Variants in NPS observed in about 807,000 individuals in gnomAD.
NPS encodes neuropeptide S.
In NPS, 6 loss-of-function variants were observed where a neutral mutation model predicts 7.2. The ratio of observed to expected loss-of-function variants is 0.83; its 90% CI spans 0.46 to 1.64. The LOEUF (loss-of-function observed/expected upper bound fraction) is 1.64. Among genes scored for constraint, NPS ranks in the 40% most tolerant of loss-of-function variants. The pLI is 0.01. For synonymous variants in NPS, 42 were observed against 36.7 expected (o/e 1.14, Z -0.52); for missense variants, 123 against 97.8 (o/e 1.26, Z -1.09).
rs776345598 is a variant in NPS at position 127,552,621 on chromosome 10, T to C, written c.252T>C (p.Phe84=). Residue 84 remains phenylalanine (F), a synonymous_variant, in exon 3 of 3, where the codon TTT becomes TTC. Coordinates refer to ENST00000398023, the MANE Select transcript of NPS (RefSeq NM_001030013.2). ...GVGTGMKKTS[F]QRAKS is the part of the protein sequence containing the mutation. ...GCACAGGGATGAAAAAAACTTCCTTTCAAAGAGCAAAATCATGACTAAGTG... is the reference window on the plus strand; with the variant it reads ...GCACAGGGATGAAAAAAACTTCCTTCCAAAGAGCAAAATCATGACTAAGTG... 6.2e-7 allele frequency: 1 copy of C among 1,612,602 alleles called. No homozygotes were observed. Among genetic ancestry groups the C allele is most frequent in the Non-Finnish European group, 8.5e-7 (1 of 1,178,726 alleles).
rs770654076 is a variant in NPS at position 127,549,344 on chromosome 10, C to G, written c.-25C>G. ...GAAATTTGGCAATAAAACCACCTAT[C>G]TTTACAGATTTTGGGAAGTCCAAAA... is the stretch of plus-strand genomic sequence containing the variant. On this transcript the variant is annotated 5_prime_UTR_variant, in exon 1 of 3. The change creates a new upstream start codon in the 5' untranslated region. Coordinates refer to ENST00000398023, the MANE Select transcript of NPS (RefSeq NM_001030013.2). 1.2e-6 allele frequency: 2 copies of G among 1,600,132 alleles called. No individual in the cohort carries two copies. The highest frequency in any genetic ancestry group is 2.2e-5 in the South Asian group (2 of 90,618).
chr10:127,551,801 T>C (rs1230720759), intron 2 of NPS, among the ~76,000 whole-genome samples: 1 of 152,200 alleles, frequency 6.6e-6, no homozygotes, highest in Admixed American at 6.5e-5. Context: ...TCCAGCCCTG[T>C]CACATGGGGC....
chr10:127,551,266 A>ATTTT (rs140144794), intron 2 of NPS, among the ~76,000 whole-genome samples: 5 of 151,504 alleles, frequency 3.3e-5, no homozygotes, highest in Middle Eastern at 3.4e-3. Flanking sequence ...GAAAAAGCCC[A>ATTTT]TTTTTTTTCC....
chr10:127,549,979 C>T (rs951695345), intron 2 of NPS, among the ~76,000 whole-genome samples: 2 of 151,954 alleles, frequency 1.3e-5, no homozygotes, highest in Admixed American at 6.6e-5. Flanking sequence ...ATAGATAAAA[C>T]GTTAGCTCTA....
rs199669049 is a variant in NPS, at chr10:127,549,399, A to G, written c.8+23A>G. The G allele has an allele frequency of 3.2e-5, 52 of 1,605,326 alleles. No homozygotes were observed. In the African/African-American group the frequency reaches 6.4e-4, roughly 20 times the overall value. On this transcript the variant is annotated intron_variant, in intron 1 of 2. Coordinates refer to ENST00000398023, the MANE Select transcript of NPS (RefSeq NM_001030013.2). Reference sequence around the variant, plus strand: ...TAGGTAAAAGGCTACGTTTTTCTGCAAAGAAAAATGTTGCATTTTCATATG... The same window carrying G: ...TAGGTAAAAGGCTACGTTTTTCTGCGAAGAAAAATGTTGCATTTTCATATG...
rs1397638580 is a variant in NPS, at chr10:127,553,468, T to C, written c.*829T>C. Among the ~76,000 whole-genome samples, 1 of 152,184 alleles carries C rather than the reference T, an allele frequency of 6.6e-6. No individual in the cohort carries two copies. The highest frequency in any genetic ancestry group is 2.4e-5 in the African/African-American group (1 of 41,458). On this transcript the variant is annotated 3_prime_UTR_variant, in exon 3 of 3. Transcript: ENST00000398023. ...TTGCACTGAAACTCCTGACACTCCT[T>C]TTTTAAAAGGATAATGCGACATTGG... is the stretch of plus-strand genomic sequence containing the variant.
intron 2 of NPS, among the ~76,000 whole-genome samples, chr10:127,550,597 T>G (rs1198983185): frequency 6.6e-6 from 1 of 152,228 alleles, no homozygotes; most frequent in Non-Finnish European, 1.5e-5. Flanking sequence ...AATAACAGGC[T>G]CTTCTCTGTA....
At chr10:127,549,435 T>TA (rs1476361140) in intron 1 of NPS, 54 bp from the exon 2 acceptor site, 2 of 1,586,642 alleles carry the variant, frequency 1.3e-6, no homozygotes, top group Non-Finnish European at 1.7e-6. Context: ...CTGTTTTACT[T>TA]ATTCTTGCCT....
At position 127,549,505 on chromosome 10, in the gene NPS, C is replaced by T. The variant is rs763586745; in HGVS notation, c.25C>T (p.Leu9Phe). Residue 9 changes from leucine (L) to phenylalanine (F), a missense_variant, in exon 2 of 3, where the codon CTC (leucine) becomes TTC (phenylalanine). Leu to Phe is a conservative substitution (Grantham distance 22, BLOSUM62 0). Coordinates refer to ENST00000398023, the MANE Select transcript of NPS (RefSeq NM_001030013.2). MISSVKLN[L>F]ILVLSLSTMH... ...ACTTTGCAGCTCAGTAAAACTCAAT[C>T]TCATCCTAGTTCTGTCGCTGTCCAC... is the stretch of plus-strand genomic sequence containing the variant. 2.5e-6 allele frequency: 4 copies of T among 1,611,532 alleles called. No homozygotes were observed. The highest frequency in any genetic ancestry group is 3.4e-6 in the Non-Finnish European group (4 of 1,177,794).
At position 127,549,704 on chromosome 10, in the gene NPS, G is replaced by A. The variant is rs76290706; in HGVS notation, c.90+134G>A. Reference sequence around the variant, plus strand: ...TTATTAGAGTTCTCAATGGGAAAAAGTCAGCAGATTGATGACATTAGTAAA... The same window carrying A: ...TTATTAGAGTTCTCAATGGGAAAAAATCAGCAGATTGATGACATTAGTAAA... On this transcript the variant is annotated intron_variant, in intron 2 of 2. Transcript: ENST00000398023. The A allele has an allele frequency of 4.4e-3, 2,768 of 623,540 alleles. 54 individuals carry two copies. In the African/African-American group the frequency reaches 0.045, roughly 10 times the overall value. The allele number at this position is 623,540 out of a possible 1,614,324, so 38.6% of individuals were successfully genotyped here.
At chr10:127,551,754 G>A (rs927500764) in intron 2 of NPS, among the ~76,000 whole-genome samples, 1 of 152,134 alleles carries the variant, frequency 6.6e-6, no homozygotes, top group Non-Finnish European at 1.5e-5. Context: ...TTGATGATTC[G>A]TACCCAAGCC....
chr10:127,550,728 A>C (rs188213614), intron 2 of NPS, among the ~76,000 whole-genome samples: 3 of 152,278 alleles, frequency 2.0e-5, no homozygotes, highest in Non-Finnish European at 4.4e-5. Context: ...TGCACGTGAC[A>C]GTTTTGTTCT....
At chr10:127,551,607 G>A (rs1844860022) in intron 2 of NPS, among the ~76,000 whole-genome samples, 1 of 152,154 alleles carries the variant, frequency 6.6e-6, no homozygotes. Flanking sequence ...AGTAGGACAA[G>A]ATGATGCCCA....
chr10:127,549,709 CA>C (rs1461677190), intron 2 of NPS, 139 bp downstream of exon 2: 2 of 613,904 alleles, frequency 3.3e-6, no homozygotes, highest in African/African-American at 3.7e-5. Context: ...AAAAAGTCAG[CA>C]GATTGATGAC....
In NPS at chr10:127,552,888, A is replaced by T. The variant is rs1322025791; in HGVS notation, c.*249A>T. On this transcript the variant is annotated 3_prime_UTR_variant, in exon 3 of 3. Coordinates refer to ENST00000398023, the MANE Select transcript of NPS (RefSeq NM_001030013.2). ...TGGTCCATTAGTAACTTTTTCCTGA[A>T]TGGGATGGACACTTTTGCTTTGCTT... Among the ~76,000 whole-genome samples, 1 of 152,182 alleles carries T rather than the reference A, an allele frequency of 6.6e-6. No individual in the cohort carries two copies. The highest frequency in any genetic ancestry group is 1.5e-5 in the Non-Finnish European group (1 of 68,034).
intron 2 of NPS, among the ~76,000 whole-genome samples, chr10:127,551,797 C>T (rs951758212): frequency 6.6e-6 from 1 of 152,172 alleles, no homozygotes; most frequent in African/African-American, 2.4e-5. Context: ...AATCTCCAGC[C>T]CTGTCACATG....
Position 127,550,853 on chromosome 10 carries a change from A to T in NPS, c.90+1283A>T, listed in dbSNP as rs535677143. On this transcript the variant is annotated intron_variant, in intron 2 of 2. Coordinates refer to ENST00000398023, the MANE Select transcript of NPS (RefSeq NM_001030013.2). ...ATAGGCTTTTATAATATTTGTTGCG[A>T]ACTTCACTGAGTCCATTAACCAGGC... is the stretch of plus-strand genomic sequence containing the variant. Among the ~76,000 whole-genome samples the T allele has an allele frequency of 4.5e-4, 69 of 152,330 alleles. 3 individuals carry two copies. The highest frequency in any genetic ancestry group is 1.5e-3 in the African/African-American group (64 of 41,586).
chr10:127,550,270 A>G (rs55808173), intron 2 of NPS, among the ~76,000 whole-genome samples: 13,385 of 152,212 alleles, frequency 0.088, 762 homozygotes, highest in Non-Finnish European at 0.14. Context: ...TTATGAAACT[A>G]CTTTTAGGAT....
Position 127,553,515 on chromosome 10 carries a change from A to T in NPS, c.*876A>T, listed in dbSNP as rs1844877803. ...TTGGTTGACGTGTTATTTCAAATGC[A>T]TAATGTTAATAAATCTGTTCACGCA... On this transcript the variant is annotated 3_prime_UTR_variant, in exon 3 of 3. Transcript: ENST00000398023. Among the ~76,000 whole-genome samples, 3 of 152,226 alleles carry T rather than the reference A, an allele frequency of 2.0e-5. No individual in the cohort carries two copies. The South Asian group carries it at 6.2e-4, about 31-fold the overall frequency.
Sources: allele counts gnomAD v4.1 joint callset (sites outside exome capture counted in the v4.1 genomes callset), GRCh38; gene constraint gnomAD v4.1.1; transcripts MANE v1.5; gene names NCBI Gene and HGNC (gene_info 2026-07-23, HGNC 2026-07-21).